Variants in ZKSCAN7 observed in about 807,000 individuals in gnomAD.
The protein encoded by ZKSCAN7 is zinc finger with KRAB and SCAN domains 7.
In ZKSCAN7, 38 loss-of-function variants were observed where a neutral mutation model predicts 65.3. The ratio of observed to expected loss-of-function variants is 0.58; its 90% confidence interval spans 0.45 to 0.76. The LOEUF (loss-of-function observed/expected upper bound fraction) is 0.76. Ranked by LOEUF, ZKSCAN7 falls within the 30% of genes least tolerant of loss-of-function variation. ZKSCAN7 has a pLI of 0.00. For missense variants in ZKSCAN7, 815 were observed against 913.3 expected, an observed-to-expected ratio of 0.89 and a Z score of 1.39; for synonymous variants, 321 against 321.0, an observed-to-expected ratio of 1.00 and a Z score of 0.00.
At position 44,557,308 on chromosome 3, in the gene ZKSCAN7, G is replaced by T; in HGVS notation, c.261G>T (p.Val87=). ...GCCGCTGGTGGCTCATGCCAGAGGT[G>T]CACACCAAGGAGCAGATCCTGGAGC... ...ELCRWWLMPE[V]HTKEQILELL... is the part of the protein sequence containing the mutation. The change falls in exon 2 of 6, where the codon GTG becomes GTT. Residue 87 remains valine, a synonymous_variant. Transcript: ENST00000426540. 2 of 1,614,292 alleles carry T rather than the reference G, an allele frequency of 1.2e-6. No individual in the cohort carries two copies. The highest frequency in any genetic ancestry group is 1.7e-6 in the Non-Finnish European group (2 of 1,180,056).
At chr3:44,568,262 TTCAGG>T (rs1472688588) in intron 4 of ZKSCAN7, 40 bp from the exon 5 acceptor site, 14 of 1,598,690 alleles carry the variant, frequency 8.8e-6, no homozygotes, top group Non-Finnish European at 1.1e-5. Flanking sequence ...GACTCTGCCC[TTCAGG>T]CTGTGAATGT....
downstream of ZKSCAN7, among the ~76,000 whole-genome samples, chr3:44,575,317 C>G (rs571150543): frequency 3.1e-4 from 47 of 152,236 alleles, no homozygotes; most frequent in Middle Eastern, 6.8e-3. Flanking sequence ...GCATGTCCAC[C>G]ACTTTGTTAG....
downstream of ZKSCAN7, among the ~76,000 whole-genome samples, chr3:44,574,645 T>C (rs985154406): frequency 3.9e-5 from 6 of 152,170 alleles, no homozygotes; most frequent in African/African-American, 1.4e-4. Flanking sequence ...CAACACAGGT[T>C]TGGGGTGGAC....
rs763029349 is a variant in ZKSCAN7, at chr3:44,557,366, C to T, written c.319C>T (p.Pro107Ser). The change falls in exon 2 of 6, where the codon CCT (proline) becomes TCT (serine). Residue 107 changes from proline to serine, a missense_variant. Around this residue, in one of 3 missense-constraint regions of ZKSCAN7, gnomAD observed 227 missense variants for 253.3 expected, o/e 0.90. Coordinates refer to ENST00000426540, the MANE Select transcript of ZKSCAN7 (RefSeq NM_001288590.2). Reference protein sequence around the residue: ...LVLEQFLSILPGELRTWVQLH... With the variant: ...LVLEQFLSILSGELRTWVQLH... ...GCTTGAGCAGTTCCTGAGCATCCTC[C>T]CTGGGGAGCTCCGGACCTGGGTGCA... The T allele has an allele frequency of 1.2e-6, 2 of 1,614,102 alleles. No individual in the cohort carries two copies. The highest frequency in any genetic ancestry group is 2.7e-5 in the African/African-American group (2 of 74,932).
chr3:44,571,775 G>A lies in ZKSCAN7; in HGVS notation c.*400G>A. 3.9e-6 allele frequency: 4 copies of A among 1,019,112 alleles called. No individual in the cohort carries two copies. Among genetic ancestry groups the A allele is most frequent in the Non-Finnish European group, 4.7e-6 (4 of 849,844 alleles). The allele number at this position is 1,019,112 out of a possible 1,614,324, so 63.1% of individuals were successfully genotyped here. ...CAAAAAGGCTGATTCATGCCTTCCT[G>A]CCTCTTGGCTATGGCCCTCCCCATC... On this transcript the variant is annotated 3_prime_UTR_variant, in exon 6 of 6. Transcript: ENST00000426540.
Position 44,557,155 on chromosome 3 carries a change from G to C in ZKSCAN7, c.108G>C (p.Trp36Cys), listed in dbSNP as rs1197732474. Reference sequence around the variant, plus strand: ...AGCAGGAGCCAGCAAACCAGACCTGGGGGCAGGGCAGCAGTCTCCAGAAGA... The same window carrying C: ...AGCAGGAGCCAGCAAACCAGACCTGCGGGCAGGGCAGCAGTCTCCAGAAGA... ...TVKQEPANQT[W>C]GQGSSLQKNY... is the part of the protein sequence containing the mutation. Residue 36 changes from tryptophan (W) to cysteine (C), a missense_variant, in exon 2 of 6, where the codon TGG becomes TGC. This residue lies in a region of ZKSCAN7 where 227 missense variants were observed against 253.3 expected (regional missense o/e 0.90). Transcript: ENST00000426540. 1.2e-6 allele frequency: 2 copies of C among 1,614,254 alleles called. No homozygotes were observed. The highest frequency in any genetic ancestry group is 4.5e-5 in the East Asian group (2 of 44,888).
In ZKSCAN7 at chr3:44,557,236, C is replaced by A. The variant is rs757826745; in HGVS notation, c.189C>A (p.His63Gln). 1 of 1,614,270 alleles carries A rather than the reference C, an allele frequency of 6.2e-7. No individual in the cohort carries two copies. The highest frequency in any genetic ancestry group is 1.1e-5 in the South Asian group (1 of 91,088). Reference sequence around the variant, plus strand: ...TACACTTCAGGCAATTGTGTTACCACGAGATGTCTGGGCCGCAGGAAGCAT... The same window carrying A: ...TACACTTCAGGCAATTGTGTTACCAAGAGATGTCTGGGCCGCAGGAAGCAT... ...FRLHFRQLCYHEMSGPQEALS... is the reference protein window; with the variant it reads ...FRLHFRQLCYQEMSGPQEALS... Residue 63 changes from histidine to glutamine, a missense_variant, in exon 2 of 6, where the codon CAC (histidine) becomes CAA (glutamine). Around this residue, in one of 3 missense-constraint regions of ZKSCAN7, gnomAD observed 227 missense variants for 253.3 expected, o/e 0.90. Transcript: ENST00000426540.
At chr3:44,580,658 C>G in intron 5 of ZKSCAN7, 1 of 1,613,940 alleles carries the variant, frequency 6.2e-7, no homozygotes, top group Non-Finnish European at 8.5e-7. Flanking sequence ...CCTTCTCAGG[C>G]GTCAGAATAC....
chr3:44,580,940 G>C (rs1183768567), intron 5 of ZKSCAN7: 18 of 1,612,680 alleles, frequency 1.1e-5, no homozygotes, highest in Non-Finnish European at 1.5e-5. Context: ...GATGCGACTC[G>C]CGGGGCTGGA....
chr3:44,564,953 A>T (rs1229408654), intron 2 of ZKSCAN7, among the ~76,000 whole-genome samples: 1 of 152,054 alleles, frequency 6.6e-6, no homozygotes, highest in East Asian at 1.9e-4. Flanking sequence ...GCTGCGTGCC[A>T]CCATGCCTGG....
Position 44,557,027 on chromosome 3 carries a change from A to T in ZKSCAN7, c.-21A>T. 6.2e-7 allele frequency: 1 copy of T among 1,613,800 alleles called. No individual in the cohort carries two copies. The highest frequency in any genetic ancestry group is 8.5e-7 in the Non-Finnish European group (1 of 1,179,942). On this transcript the variant is annotated 5_prime_UTR_variant, in exon 2 of 6. Transcript: ENST00000426540. ...TAATCGGACCAACTGCAGCTGTAAC[A>T]AGCTTCTCTTTGGGGTCACAATGAC... is the stretch of plus-strand genomic sequence containing the variant.
intron 5 of ZKSCAN7, among the ~76,000 whole-genome samples, chr3:44,579,752 T>C (rs556320290): frequency 6.6e-6 from 1 of 152,300 alleles, no homozygotes; most frequent in African/African-American, 2.4e-5. Flanking sequence ...TCCATCCAAG[T>C]CGGCTGCCTC....
chr3:44,580,664 A>G, intron 5 of ZKSCAN7: 1 of 1,613,936 alleles, frequency 6.2e-7, no homozygotes. Flanking sequence ...CAGGCGTCAG[A>G]ATACACAGGG....
intron 5 of ZKSCAN7, chr3:44,579,864 T>C (rs1700022625): frequency 6.2e-7 from 1 of 1,610,334 alleles, no homozygotes; most frequent in South Asian, 1.1e-5. Context: ...AGCCAGCCTT[T>C]CTTGAAATTC....
In ZKSCAN7 at chr3:44,557,268, G is replaced by A. The variant is rs763112213; in HGVS notation, c.221G>A (p.Arg74Gln). ...EMSGPQEALS[R>Q]LRELCRWWLM... ...TCTGGGCCGCAGGAAGCATTGAGCC[G>A]GCTTCGGGAGCTCTGCCGCTGGTGG... Residue 74 changes from arginine to glutamine, a missense_variant, in exon 2 of 6, where the codon CGG (arginine) becomes CAG (glutamine). Transcript: ENST00000426540. 19 of 1,614,166 alleles carry A rather than the reference G, an allele frequency of 1.2e-5. No individual in the cohort carries two copies. The highest frequency in any genetic ancestry group is 5.0e-5 in the Admixed American group (3 of 60,018).
At chr3:44,568,074 C>T (rs1699685080) in intron 4 of ZKSCAN7, 71 bp downstream of exon 4, 20 of 1,102,830 alleles carry the variant, frequency 1.8e-5, no homozygotes, top group African/African-American at 3.2e-5. Flanking sequence ...AGGTCTCACC[C>T]CCAGGACTCT....
chr3:44,556,887 G>A (rs532405029), intron 1 of ZKSCAN7, 43 bp from the exon 2 acceptor site: 316 of 957,126 alleles, frequency 3.3e-4, no homozygotes, highest in Non-Finnish European at 4.6e-4. Context: ...TCAGCCTGGG[G>A]CTGAATACTC....
rs1419038481 is a variant in ZKSCAN7 at position 44,571,696 on chromosome 3, T to C, written c.*321T>C. On this transcript the variant is annotated 3_prime_UTR_variant, in exon 6 of 6. Coordinates refer to ENST00000426540, the MANE Select transcript of ZKSCAN7 (RefSeq NM_001288590.2). The stretch of plus-strand genomic sequence containing the variant: ...CCATGCTTTTTAAAGACAGAGATAA[T>C]ATCTTCTCTATTCTATTCTACTTCC... The C allele has an allele frequency of 8.6e-7, 1 of 1,166,974 alleles. No individual in the cohort carries two copies. The highest frequency in any genetic ancestry group is 4.5e-5 in the Admixed American group (1 of 22,442). The allele number at this position is 1,166,974 out of a possible 1,614,324, so 72.3% of individuals were successfully genotyped here.
At chr3:44,581,325 C>T (rs980513868) in intron 5 of ZKSCAN7, among the ~76,000 whole-genome samples, 14 of 151,108 alleles carry the variant, frequency 9.3e-5, no homozygotes, top group African/African-American at 3.1e-4. Flanking sequence ...CGGTCGCCGC[C>T]GTCCCGGCTC....
Sources: allele counts gnomAD v4.1 joint callset (sites outside exome capture counted in the v4.1 genomes callset), GRCh38; gene constraint gnomAD v4.1.1; regional missense constraint gnomAD v4.1.1; transcripts MANE v1.5; gene names NCBI Gene and HGNC (gene_info 2026-07-23, HGNC 2026-07-21).